Variants in DMD observed in about 807,000 individuals in gnomAD.
DMD encodes dystrophin.
In DMD, 63 loss-of-function variants were observed where a neutral mutation model predicts 330.1. The observed-to-expected ratio is 0.19, with a 90% CI of 0.16 to 0.24. The LOEUF (loss-of-function observed/expected upper bound fraction) is 0.24. Among genes scored for constraint, DMD ranks in the 10% least tolerant of loss-of-function variants. The pLI is 1.00. For missense variants in DMD, 3,344 were observed against 2,684.1 expected, an observed-to-expected ratio of 1.25 and a Z score of -5.43; for synonymous variants, 1,223 against 959.8, an observed-to-expected ratio of 1.27 and a Z score of -5.07.
intron 2 of DMD, among the ~76,000 whole-genome samples, chrX:32,857,178 T>A (rs2081643965): frequency 8.9e-6 from 1 of 112,483 alleles, no homozygotes; most frequent in Non-Finnish European, 1.9e-5. Context: ...ATGCTTCGCA[T>A]GCCTGTATCA....
At position 32,501,774 on chromosome X, in the gene DMD, C is replaced by G. The variant is rs764291328; in HGVS notation, c.2361G>C (p.Leu787=). The G allele has an allele frequency of 1.7e-6, 2 of 1,208,615 alleles. No individual in the cohort carries two copies. The highest frequency in any genetic ancestry group is 2.2e-5 in the Admixed American group (1 of 45,921). The part of the protein sequence containing the change: ...LQDASRSAQA[L]VEQMVNEGVN... ...AATTACCATTCACCATCTGTTCCAC[C>G]AGGGCCTGAGCTGATCTGCTGGCAT... The change falls in exon 19 of 79, where the codon CTG becomes CTC. Residue 787 remains leucine, a synonymous_variant. Coordinates refer to ENST00000357033, the MANE Select transcript of DMD (RefSeq NM_004006.3).
chrX:31,712,720 G>A (rs764555281), intron 52 of DMD, among the ~76,000 whole-genome samples: 4 of 110,656 alleles, frequency 3.6e-5, no homozygotes, highest in Middle Eastern at 4.7e-3. Flanking sequence ...CAGGACTTAT[G>A]CTGTGTAAGA....
intron 63 of DMD, among the ~76,000 whole-genome samples, chrX:31,246,999 G>A (rs757385924): frequency 9.0e-6 from 1 of 111,525 alleles, no homozygotes; most frequent in East Asian, 2.8e-4. Flanking sequence ...ACAAAGCTTG[G>A]ATGACAGCGT....
intron 55 of DMD, among the ~76,000 whole-genome samples, chrX:31,587,683 C>T (rs774207744): frequency 3.0e-4 from 33 of 111,588 alleles, no homozygotes; most frequent in Non-Finnish European, 5.5e-4. Context: ...ACTCCTCTCA[C>T]TTAGCTCCAT....
chrX:32,748,662 T>C (rs1368029892), intron 7 of DMD, among the ~76,000 whole-genome samples: 3 of 112,182 alleles, frequency 2.7e-5, no homozygotes, highest in Non-Finnish European at 3.8e-5. Flanking sequence ...TCAGTAAGTA[T>C]ATCAACATGC....
chrX:33,303,262 T>C (rs1198455464), intron 1 of DMD, among the ~76,000 whole-genome samples: 1 of 111,905 alleles, frequency 8.9e-6, no homozygotes, highest in Non-Finnish European at 1.9e-5. Flanking sequence ...TTTCAACTCC[T>C]TTGGTATTTT....
intron 9 of DMD, among the ~76,000 whole-genome samples, chrX:32,675,142 C>T (rs2061886467): frequency 9.0e-6 from 1 of 111,290 alleles, no homozygotes; most frequent in African/African-American, 3.3e-5. Flanking sequence ...ATGCTATTAT[C>T]AATAAAATGG....
At chrX:31,988,347 G>T (rs950504744) in intron 44 of DMD, among the ~76,000 whole-genome samples, 2 of 106,433 alleles carry the variant, frequency 1.9e-5, no homozygotes, top group African/African-American at 6.9e-5. Context: ...GGTGGCGGCC[G>T]CCTGTAGTCC....
intron 60 of DMD, among the ~76,000 whole-genome samples, chrX:31,387,731 G>A (rs779005995): frequency 9.0e-6 from 1 of 111,116 alleles, no homozygotes; most frequent in Non-Finnish European, 1.9e-5. Context: ...AATCAGCTTA[G>A]TCTTGCCTCA....
At chrX:31,483,306 A>G (rs1438597950) in intron 57 of DMD, among the ~76,000 whole-genome samples, 2 of 111,107 alleles carry the variant, frequency 1.8e-5, no homozygotes, top group African/African-American at 3.3e-5. Flanking sequence ...TTGGCCTCCC[A>G]AAGTGCTGGG....
chrX:31,557,854 A>C (rs928668243), intron 55 of DMD, among the ~76,000 whole-genome samples: 3 of 110,354 alleles, frequency 2.7e-5, no homozygotes, highest in Non-Finnish European at 5.7e-5. Flanking sequence ...ATACAAATAC[A>C]GATTGGAAAA....
At chrX:31,888,133 CT>C (rs1475861323) in intron 47 of DMD, among the ~76,000 whole-genome samples, 2 of 111,226 alleles carry the variant, frequency 1.8e-5, no homozygotes, top group Non-Finnish European at 3.8e-5. Context: ...GGTAGACCCT[CT>C]TGAGGGTCAG....
intron 7 of DMD, among the ~76,000 whole-genome samples, chrX:32,783,230 GTATA>G (rs2075013418): frequency 1.1e-5 from 1 of 91,687 alleles, no homozygotes; most frequent in Non-Finnish European, 2.2e-5. Flanking sequence ...ACGTGTATAC[GTATA>G]TACACATATG....
At chrX:31,596,155 T>G (rs936766683) in intron 55 of DMD, among the ~76,000 whole-genome samples, 1 of 111,621 alleles carries the variant, frequency 9.0e-6, no homozygotes, top group Non-Finnish European at 1.9e-5. Context: ...ACAGCTAGCA[T>G]AACATAATAT....
chrX:32,154,349 A>T (rs2096820552), intron 44 of DMD, among the ~76,000 whole-genome samples: 1 of 112,519 alleles, frequency 8.9e-6, no homozygotes, highest in Non-Finnish European at 1.9e-5. Flanking sequence ...ACTTTTAAAA[A>T]TATAAATAAA....
chrX:31,323,887 C>T (rs1288888802), intron 61 of DMD, among the ~76,000 whole-genome samples: 1 of 110,739 alleles, frequency 9.0e-6, no homozygotes, highest in African/African-American at 3.3e-5. Context: ...AAAAAACCCA[C>T]AAACATTTCC....
intron 1 of DMD, among the ~76,000 whole-genome samples, chrX:33,038,579 A>C (rs1162204121): frequency 1.8e-5 from 2 of 112,052 alleles, no homozygotes; most frequent in African/African-American, 6.5e-5. Flanking sequence ...GATGTTTCAA[A>C]CCACCTGCCT....
intron 54 of DMD, 117 bp downstream of exon 54, chrX:31,657,873 T>TG (rs2080879076): frequency 1.3e-6 from 1 of 788,389 alleles, no homozygotes; most frequent in Non-Finnish European, 1.9e-6. Flanking sequence ...TTTATCGTCT[T>TG]GAACCCTCCC....
chrX:33,185,836 A>G (rs1182544279), intron 1 of DMD, among the ~76,000 whole-genome samples: 1 of 112,221 alleles, frequency 8.9e-6, no homozygotes, highest in African/African-American at 3.2e-5. Context: ...TAAACATTAG[A>G]TAAATGGGCA....
Sources: allele counts gnomAD v4.1 joint callset (sites outside exome capture counted in the v4.1 genomes callset), GRCh38; gene constraint gnomAD v4.1.1; transcripts MANE v1.5; gene names NCBI Gene and HGNC (gene_info 2026-07-23, HGNC 2026-07-21).